The following BNIP5 variants were observed in gnomAD, a reference collection of about 807,000 sequenced individuals.
BNIP5 encodes protein BNIP5.
BNIP5 carries 61 observed loss-of-function variants against 67.3 expected under a neutral mutation model. The observed-to-expected ratio is 0.91, with a 90% CI of 0.74 to 1.12. The LOEUF (loss-of-function observed/expected upper bound fraction) is 1.12. BNIP5 is among the 50% of genes most tolerant of loss of function. The pLI, the probability that BNIP5 is intolerant of heterozygous loss-of-function variation, is 0.00. For missense variants in BNIP5, 826 were observed against 816.3 expected, an observed-to-expected ratio of 1.01 and a Z score of -0.14; for synonymous variants, 317 against 319.0, an observed-to-expected ratio of 0.99 and a Z score of 0.07.
intron 6 of BNIP5, among the ~76,000 whole-genome samples, chr6:36,324,647 A>G (rs1303877225): frequency 2.8e-5 from 2 of 71,584 alleles, no homozygotes; most frequent in Non-Finnish European, 5.0e-5. Flanking sequence ...ATATATATAT[A>G]TGTTTCTAGG....
chr6:36,318,735 G>C (rs1205491831), intron 11 of BNIP5, among the ~76,000 whole-genome samples: 2 of 151,912 alleles, frequency 1.3e-5, no homozygotes, highest in African/African-American at 4.8e-5. Flanking sequence ...AAAAAAATCA[G>C]TGACAAGCAT....
rs768674389 is a variant in BNIP5 at position 36,328,716 on chromosome 6, T to G, written c.611-2A>C. 6.2e-7 allele frequency: 1 copy of G among 1,600,964 alleles called. No homozygotes were observed. The highest frequency in any genetic ancestry group is 1.1e-5 in the South Asian group (1 of 90,818). ...ACTGGTGATCAGAATCTTCCCCACC[T>G]GGAATAGAGACGAAAGCAAACGGGT... On this transcript the variant is annotated splice_acceptor_variant, in intron 2 of 11. Transcript: ENST00000437635. LOFTEE classifies it high-confidence loss of function.
chr6:36,318,024 G>A (rs1181604517), intron 11 of BNIP5, among the ~76,000 whole-genome samples: 4 of 152,170 alleles, frequency 2.6e-5, no homozygotes, highest in African/African-American at 9.7e-5. Context: ...GAGGTCCATG[G>A]TAAGGAGGAT....
chr6:36,331,990 C>G (rs1561887393), intron 1 of BNIP5, among the ~76,000 whole-genome samples: 2 of 152,220 alleles, frequency 1.3e-5, no homozygotes, highest in South Asian at 2.1e-4. Context: ...CTGCTCTCCT[C>G]TTGCCCTCCT....
chr6:36,330,668 C>G lies in BNIP5; in HGVS notation c.23G>C (p.Arg8Thr). Reference protein sequence around the residue: MENPRCPRRPLAEKKARS... With the variant: MENPRCPTRPLAEKKARS... The stretch of plus-strand genomic sequence containing the variant: ...GGCTTTCTTCTCCGCCAGGGGCCTC[C>G]TTGGGCACCTTGGATTCTCCATCGG... The change falls in exon 2 of 12, where the codon AGG (arginine) becomes ACG (threonine). Residue 8 changes from arginine to threonine, a missense_variant. Transcript: ENST00000437635. The G allele has an allele frequency of 1.9e-6, 3 of 1,586,080 alleles. No individual in the cohort carries two copies. The highest frequency in any genetic ancestry group is 2.6e-6 in the Non-Finnish European group (3 of 1,172,068).
At chr6:36,328,942 G>C (rs1043132841) in intron 2 of BNIP5, among the ~76,000 whole-genome samples, 1 of 149,926 alleles carries the variant, frequency 6.7e-6, no homozygotes, top group Non-Finnish European at 1.5e-5. Flanking sequence ...CCCCCTCCCC[G>C]CAAATCCTCA....
At chr6:36,332,104 C>T (rs1228491952) in intron 1 of BNIP5, among the ~76,000 whole-genome samples, 4 of 152,174 alleles carry the variant, frequency 2.6e-5, no homozygotes, top group Non-Finnish European at 5.9e-5. Flanking sequence ...AAGCGGCTGT[C>T]ACACCCCACA....
intron 10 of BNIP5, 103 bp from the exon 11 acceptor site, chr6:36,319,713 C>T: frequency 7.4e-7 from 1 of 1,356,656 alleles, no homozygotes. Flanking sequence ...CACTCCTTGT[C>T]CCTGGGATGA....
In BNIP5 at chr6:36,316,662, T is replaced by TTCACATCCATTTTC; in HGVS notation, c.*680_*693dup. The TTCACATCCATTTTC allele has an allele frequency of 2.5e-6, 1 of 398,664 alleles. No individual in the cohort carries two copies. Among genetic ancestry groups the TTCACATCCATTTTC allele is most frequent in the Non-Finnish European group, 4.4e-6 (1 of 226,094 alleles). The allele number at this position is 398,664 out of a possible 1,614,324, so 24.7% of individuals were successfully genotyped here. ...TGGCACTAGGTAATTTTCAGAACTCTTCACATCCATTTTCTCACTGACTCC... is the reference window on the plus strand; with the variant it reads ...TGGCACTAGGTAATTTTCAGAACTCTTCACATCCATTTTCTCACATCCATTTTCTCACTGACTCC... On this transcript the variant is annotated 3_prime_UTR_variant, in exon 12 of 12. Transcript: ENST00000437635.
chr6:36,332,524 A>G (rs1231130493), intron 1 of BNIP5, among the ~76,000 whole-genome samples: 1 of 152,234 alleles, frequency 6.6e-6, no homozygotes, highest in Non-Finnish European at 1.5e-5. Context: ...CCACTCAATA[A>G]GCACTTATTA....
chr6:36,323,462 T>A lies in BNIP5; in HGVS notation c.1302A>T (p.Glu434Asp). Reference protein sequence around the residue: ...PAPHCRRKSQEKRSSFRRAFY... With the variant: ...PAPHCRRKSQDKRSSFRRAFY... Reference sequence around the variant, plus strand: ...ACGCTCTCCTGAAGCTCGACCTTTTTTCTTGAGATTTCCTTCTGCAGTGTG... The same window carrying A: ...ACGCTCTCCTGAAGCTCGACCTTTTATCTTGAGATTTCCTTCTGCAGTGTG... The change falls in exon 8 of 12, where the codon GAA (glutamate) becomes GAT (aspartate). Residue 434 changes from glutamate to aspartate, a missense_variant. Coordinates refer to ENST00000437635, the MANE Select transcript of BNIP5 (RefSeq NM_001010903.5). The A allele has an allele frequency of 6.2e-7, 1 of 1,614,246 alleles. No homozygotes were observed. Among genetic ancestry groups the A allele is most frequent in the Non-Finnish European group, 8.5e-7 (1 of 1,180,040 alleles).
chr6:36,321,856 C>T (rs1238363149), intron 9 of BNIP5, among the ~76,000 whole-genome samples: 1 of 152,204 alleles, frequency 6.6e-6, no homozygotes, highest in Admixed American at 6.5e-5. Flanking sequence ...TACAGGCACA[C>T]ACCACCATGC....
In BNIP5 at chr6:36,330,538, C is replaced by G; in HGVS notation, c.153G>C (p.Thr51=). Reference sequence around the variant, plus strand: ...CTGAATGTCTGGCCCAATCACTGGTCGTCCAGTGAAGCGCCTTCCTGGAGG... The same window carrying G: ...CTGAATGTCTGGCCCAATCACTGGTGGTCCAGTGAAGCGCCTTCCTGGAGG... ...TAPSRKALHW[T]TSDWARHSDS... The change falls in exon 2 of 12, where the codon ACG becomes ACC. Residue 51 remains threonine, a synonymous_variant. Coordinates refer to ENST00000437635, the MANE Select transcript of BNIP5 (RefSeq NM_001010903.5). 6.2e-7 allele frequency: 1 copy of G among 1,614,020 alleles called. No homozygotes were observed. The highest frequency in any genetic ancestry group is 8.5e-7 in the Non-Finnish European group (1 of 1,180,028).
At chr6:36,328,860 C>G in intron 2 of BNIP5, 146 bp from the exon 3 acceptor site, 1 of 629,734 alleles carries the variant, frequency 1.6e-6, no homozygotes, top group Non-Finnish European at 2.9e-6. Context: ...TAGGCTTAAC[C>G]AAAAAATCAG....
chr6:36,327,104 A>C lies in BNIP5; in HGVS notation c.728-10T>G. ...TGAATGATAGCATCCTCTGGAAGAAAGCAAATGCATCCGGTTATTCTTTCT... is the reference window on the plus strand; with the variant it reads ...TGAATGATAGCATCCTCTGGAAGAACGCAAATGCATCCGGTTATTCTTTCT... On this transcript the variant is annotated splice_polypyrimidine_tract_variant and intron_variant, in intron 3 of 11. Coordinates refer to ENST00000437635, the MANE Select transcript of BNIP5 (RefSeq NM_001010903.5). The C allele has an allele frequency of 6.2e-7, 1 of 1,611,736 alleles. No homozygotes were observed. Among genetic ancestry groups the C allele is most frequent in the South Asian group, 1.1e-5 (1 of 91,008 alleles).
intron 6 of BNIP5, 60 bp downstream of exon 6, chr6:36,325,222 GT>G: frequency 1.9e-6 from 3 of 1,561,174 alleles, no homozygotes; most frequent in Non-Finnish European, 2.6e-6. Context: ...CTCTTTGCAA[GT>G]GGGGGAGTCA....
At chr6:36,331,978 C>A (rs1037930427) in intron 1 of BNIP5, among the ~76,000 whole-genome samples, 2 of 152,216 alleles carry the variant, frequency 1.3e-5, no homozygotes, top group African/African-American at 4.8e-5. Flanking sequence ...TAACTGACCT[C>A]CCTGCTCTCC....
At chr6:36,331,566 T>G (rs1343166084) in intron 1 of BNIP5, among the ~76,000 whole-genome samples, 2 of 152,194 alleles carry the variant, frequency 1.3e-5, no homozygotes, top group Non-Finnish European at 2.9e-5. Context: ...GCCTGAGCCC[T>G]GCCCTCTCTC....
At chr6:36,329,404 A>G (rs557842683) in intron 2 of BNIP5, among the ~76,000 whole-genome samples, 42 of 152,346 alleles carry the variant, frequency 2.8e-4, no homozygotes, top group African/African-American at 9.9e-4. Flanking sequence ...CCATGAAAAA[A>G]GTTGAGGCTC....
Sources: gnomAD v4.1 joint callset for allele counts (sites outside exome capture counted in the v4.1 genomes callset) on GRCh38, gnomAD v4.1.1 for gene constraint, MANE v1.5 for transcripts, NCBI Gene and HGNC (gene_info 2026-07-23, HGNC 2026-07-21) for gene names.